Variants in UNC5D observed in about 807,000 individuals in gnomAD.
UNC5D encodes unc-5 netrin receptor D, also known as netrin receptor UNC5D.
Under a neutral mutation model 105.4 loss-of-function variants are expected in UNC5D, and 39 were observed. That is an observed-to-expected ratio of 0.37 (90% confidence interval 0.29 to 0.48). The LOEUF (loss-of-function observed/expected upper bound fraction) is 0.48, where lower values mean the gene tolerates loss of function less well. Among genes scored for constraint, UNC5D ranks in the 20% least tolerant of loss-of-function variants. The pLI is 0.98. For synonymous variants in UNC5D, 452 were observed against 450.4 expected, an observed-to-expected ratio of 1.00 and a Z score of -0.04; for missense variants, 991 against 1,202.4, an observed-to-expected ratio of 0.82 and a Z score of 2.60.
intron 12 of UNC5D, among the ~76,000 whole-genome samples, chr8:35,749,283 A>G (rs1349779462): frequency 6.6e-6 from 1 of 152,226 alleles, no homozygotes; most frequent in Non-Finnish European, 1.5e-5. Flanking sequence ...ATAATAAGAC[A>G]TTAACAACAG....
At chr8:35,405,735 T>C (rs1367612625) in intron 1 of UNC5D, among the ~76,000 whole-genome samples, 1 of 152,182 alleles carries the variant, frequency 6.6e-6, no homozygotes, top group Admixed American at 6.5e-5. Flanking sequence ...AGTTGTTTCA[T>C]TTTCTAATTT....
intron 1 of UNC5D, among the ~76,000 whole-genome samples, chr8:35,430,200 T>C (rs1485424938): frequency 1.3e-5 from 2 of 152,076 alleles, no homozygotes; most frequent in Non-Finnish European, 2.9e-5. Flanking sequence ...CTTGGTTATG[T>C]TGATCACCAG....
At chr8:35,396,286 C>T (rs572401019) in intron 1 of UNC5D, among the ~76,000 whole-genome samples, 1 of 152,178 alleles carries the variant, frequency 6.6e-6, no homozygotes, top group Admixed American at 6.5e-5. Context: ...TGATGCATTA[C>T]AACGAAAGGT....
At chr8:35,691,434 CTATGATTGCTCCACTGCACTCCAT>C (rs1826381697) in intron 7 of UNC5D, among the ~76,000 whole-genome samples, 1 of 152,164 alleles carries the variant, frequency 6.6e-6, no homozygotes. Context: ...CTGCAGTGAG[CTATGATTGCTCCACTGCACTCCAT>C]CCTGGCTGAC....
intron 1 of UNC5D, among the ~76,000 whole-genome samples, chr8:35,534,813 C>T (rs1035444139): frequency 1.1e-4 from 16 of 151,894 alleles, no homozygotes; most frequent in Admixed American, 2.6e-4. Context: ...TTGAGAGTTA[C>T]GAGAAAATAT....
chr8:35,552,950 A>G (rs1373616475), intron 2 of UNC5D, among the ~76,000 whole-genome samples: 1 of 152,220 alleles, frequency 6.6e-6, no homozygotes, highest in African/African-American at 2.4e-5. Flanking sequence ...CTTTTGCTCA[A>G]TTAGTACAAC....
rs11380512 is a variant in UNC5D, at chr8:35,749,989, T to TAAAAAAAAAAAAAAAAAAA, written c.1936-581_1936-580insAAAAAAAAAAAAAAAAAAA. 6.6e-3 allele frequency among the ~76,000 whole-genome samples: 897 copies of TAAAAAAAAAAAAAAAAAAA among 136,640 alleles called. 54 individuals are homozygous for TAAAAAAAAAAAAAAAAAAA. The highest frequency in any genetic ancestry group is 0.028 in the African/African-American group (828 of 29,692). 89.6% of individuals were successfully genotyped at this position (136,640 alleles called of 152,430 possible). ...TTTAAAGAGTTGTCAGAAATAGTTG[T>TAAAAAAAAAAAAAAAAAAA]AAAAAAAAAAAAGTTTGCTTATTGA... On this transcript the variant is annotated intron_variant, in intron 12 of 16. Transcript: ENST00000404895.
intron 1 of UNC5D, among the ~76,000 whole-genome samples, chr8:35,537,667 G>C (rs867550666): frequency 6.6e-6 from 1 of 150,974 alleles, no homozygotes; most frequent in South Asian, 2.1e-4. Flanking sequence ...AAAAGATCTT[G>C]TCTCAAAATA....
At chr8:35,546,057 T>C (rs1815651090) in intron 1 of UNC5D, among the ~76,000 whole-genome samples, 1 of 152,040 alleles carries the variant, frequency 6.6e-6, no homozygotes, top group Admixed American at 6.6e-5. Flanking sequence ...CAGCTAATTT[T>C]TTTATTTTTA....
rs113767510 is a variant in UNC5D at position 35,278,740 on chromosome 8, G to A, written c.103+42853G>A. On this transcript the variant is annotated intron_variant, in intron 1 of 16. Coordinates refer to ENST00000404895, the MANE Select transcript of UNC5D (RefSeq NM_080872.4). ...TGTTTTTCTGGTGATGACAGCACCT[G>A]AAATCTACTCTCTTAGTGAATTTCC... 3.9e-3 allele frequency among the ~76,000 whole-genome samples: 598 copies of A among 152,110 alleles called. 8 individuals are homozygous for A. The highest frequency in any genetic ancestry group is 0.014 in the African/African-American group (564 of 41,504).
intron 1 of UNC5D, among the ~76,000 whole-genome samples, chr8:35,538,435 A>ATATATATC (rs1815027765): frequency 7.4e-6 from 1 of 135,272 alleles, no homozygotes; most frequent in Non-Finnish European, 1.6e-5. Flanking sequence ...ATATATATAT[A>ATATATATC]TATATGAATT....
intron 4 of UNC5D, among the ~76,000 whole-genome samples, chr8:35,646,176 G>A (rs1329185215): frequency 6.6e-6 from 1 of 152,090 alleles, no homozygotes; most frequent in Non-Finnish European, 1.5e-5. Flanking sequence ...TTGCTAGGTT[G>A]GAGAAAGGCA....
chr8:35,311,322 T>C (rs561494491), intron 1 of UNC5D, among the ~76,000 whole-genome samples: 1 of 152,128 alleles, frequency 6.6e-6, no homozygotes, highest in African/African-American at 2.4e-5. Context: ...TGGAAGATGT[T>C]TTTTTTCAGA....
intron 4 of UNC5D, among the ~76,000 whole-genome samples, chr8:35,675,648 G>C (rs901327736): frequency 2.0e-5 from 3 of 152,062 alleles, no homozygotes; most frequent in African/African-American, 7.2e-5. Flanking sequence ...TGGGATATGA[G>C]GGTAGATTTT....
At chr8:35,571,063 G>C (rs1390404271) in intron 3 of UNC5D, among the ~76,000 whole-genome samples, 3 of 152,118 alleles carry the variant, frequency 2.0e-5, no homozygotes, top group Admixed American at 2.0e-4. Flanking sequence ...ATGTTGCCCA[G>C]GCTGCTTGAA....
intron 3 of UNC5D, among the ~76,000 whole-genome samples, chr8:35,569,207 T>TG (rs1817563570): frequency 6.6e-6 from 1 of 152,214 alleles, no homozygotes; most frequent in African/African-American, 2.4e-5. Flanking sequence ...TTCTCCTCCT[T>TG]GCAAATGTCT....
At chr8:35,261,229 T>C (rs1369849719) in intron 1 of UNC5D, among the ~76,000 whole-genome samples, 1 of 152,164 alleles carries the variant, frequency 6.6e-6, no homozygotes, top group African/African-American at 2.4e-5. Flanking sequence ...CACCTAAGAC[T>C]CATAAATAAG....
chr8:35,238,612 G>A (rs761615624), intron 1 of UNC5D, among the ~76,000 whole-genome samples: 2 of 152,090 alleles, frequency 1.3e-5, no homozygotes, highest in Non-Finnish European at 2.9e-5. Flanking sequence ...AAAAAAGGGG[G>A]ACTGCTGTTC....
intron 4 of UNC5D, among the ~76,000 whole-genome samples, chr8:35,674,385 A>G (rs928803674): frequency 1.3e-5 from 2 of 152,056 alleles, no homozygotes; most frequent in African/African-American, 4.8e-5. Flanking sequence ...TTATGTGTAT[A>G]AATGTGTGTG....
Sources: gnomAD v4.1 joint callset for allele counts (sites outside exome capture counted in the v4.1 genomes callset) on GRCh38, gnomAD v4.1.1 for gene constraint, MANE v1.5 for transcripts, NCBI Gene and HGNC (gene_info 2026-07-23, HGNC 2026-07-21) for gene names.